The following FAM135B variants were observed in gnomAD, a reference collection of about 807,000 sequenced individuals.
The protein encoded by FAM135B is protein FAM135B.
A neutral mutation model predicts 127.7 loss-of-function variants in FAM135B; 43 were observed. That is an observed-to-expected ratio of 0.34 (90% CI 0.26 to 0.43). FAM135B has a LOEUF of 0.43. FAM135B is among the 20% of genes least tolerant of loss of function. FAM135B has a pLI of 1.00. For missense variants in FAM135B, 1,558 were observed against 1,725.6 expected (o/e 0.90, Z 1.72); for synonymous variants, 670 against 665.1 (o/e 1.01, Z -0.11).
intron 1 of FAM135B, among the ~76,000 whole-genome samples, chr8:138,434,712 T>C (rs1050015490): frequency 6.6e-6 from 1 of 152,188 alleles, no homozygotes; most frequent in African/African-American, 2.4e-5. Flanking sequence ...GGACACTGCA[T>C]TAACAGTGGA....
chr8:138,290,768 G>A (rs1474805443), intron 3 of FAM135B, among the ~76,000 whole-genome samples: 1 of 152,118 alleles, frequency 6.6e-6, no homozygotes, highest in East Asian at 1.9e-4. Flanking sequence ...AAAAGTGGGA[G>A]GAAGATGTTG....
intron 1 of FAM135B, among the ~76,000 whole-genome samples, chr8:138,469,299 C>T (rs1435619890): frequency 2.0e-5 from 3 of 151,908 alleles, no homozygotes; most frequent in Non-Finnish European, 4.4e-5. Flanking sequence ...TTAAGGAACT[C>T]GATGATGAAG....
chr8:138,399,854 C>A (rs1185174370), intron 1 of FAM135B, among the ~76,000 whole-genome samples: 1 of 152,126 alleles, frequency 6.6e-6, no homozygotes. Context: ...ACCCACCCAA[C>A]CCCAGCATCA....
At chr8:138,395,955 C>T (rs188288975) in intron 1 of FAM135B, among the ~76,000 whole-genome samples, 7 of 152,330 alleles carry the variant, frequency 4.6e-5, no homozygotes, top group East Asian at 3.9e-4. Context: ...ATGAATTACT[C>T]GGCTGCTATC....
intron 7 of FAM135B, among the ~76,000 whole-genome samples, chr8:138,218,163 T>C (rs999449246): frequency 6.6e-6 from 1 of 152,222 alleles, no homozygotes; most frequent in Non-Finnish European, 1.5e-5. Flanking sequence ...GGAATCCATG[T>C]AGATGCAGTT....
intron 2 of FAM135B, among the ~76,000 whole-genome samples, chr8:138,313,422 G>A (rs551970263): frequency 1.3e-5 from 2 of 152,246 alleles, no homozygotes; most frequent in Non-Finnish European, 2.9e-5. Flanking sequence ...GTGAGCCACC[G>A]TGCCTGGCCT....
intron 1 of FAM135B, among the ~76,000 whole-genome samples, chr8:138,410,978 G>T (rs539537771): frequency 1.8e-4 from 26 of 144,926 alleles, no homozygotes; most frequent in South Asian, 4.4e-4. Flanking sequence ...CACTGCTCAA[G>T]GAAATAAAAG....
intron 2 of FAM135B, among the ~76,000 whole-genome samples, chr8:138,352,701 C>A (rs1339019916): frequency 6.6e-6 from 1 of 152,172 alleles, no homozygotes; most frequent in Non-Finnish European, 1.5e-5. Flanking sequence ...CAATGCCCCC[C>A]ACTAGGAGGG....
chr8:138,202,581 A>G (rs1344217848), intron 7 of FAM135B, among the ~76,000 whole-genome samples: 3 of 152,130 alleles, frequency 2.0e-5, no homozygotes, highest in Non-Finnish European at 4.4e-5. Flanking sequence ...CTTACTACCA[A>G]TGTCACCTTG....
chr8:138,284,621 G>T (rs1379039243), intron 3 of FAM135B, among the ~76,000 whole-genome samples: 1 of 150,632 alleles, frequency 6.6e-6, no homozygotes, highest in Non-Finnish European at 1.5e-5. Flanking sequence ...AGCTACCTTT[G>T]CCCATGCTGT....
rs201622799 is a variant in FAM135B at position 138,156,153 on chromosome 8, C to T, written c.1259-2937G>A. On this transcript the variant is annotated intron_variant, in intron 12 of 19. Transcript: ENST00000395297. ...CAGGATTAAGAAACTCACTCAAAAC[C>T]GCTCAACTACATGGAAACTGAACAA... is the stretch of plus-strand genomic sequence containing the variant. Among the ~76,000 whole-genome samples, 7 of 152,110 alleles carry T rather than the reference C, an allele frequency of 4.6e-5. No individual in the cohort carries two copies. In the East Asian group the frequency reaches 7.7e-4, roughly 17 times the overall value.
Position 138,152,342 on chromosome 8 carries a change from C to T in FAM135B, c.2133G>A (p.Arg711=), listed in dbSNP as rs1368781066. The change falls in exon 13 of 20, where the codon CGG becomes CGA. Residue 711 remains arginine, a synonymous_variant. Transcript: ENST00000395297. The stretch of plus-strand genomic sequence containing the variant: ...TTCGAACAAACGGGTGCAAGACTTC[C>T]CGATCACTGGGCAACTCCAGAGCCC... ...RSRALELPSD[R]EVLHPFVRRH... 1 of 1,614,160 alleles carries T rather than the reference C, an allele frequency of 6.2e-7. No individual in the cohort carries two copies. Among genetic ancestry groups the T allele is most frequent in the African/African-American group, 1.3e-5 (1 of 75,044 alleles).
chr8:138,368,668 T>G (rs1319678827), intron 1 of FAM135B, among the ~76,000 whole-genome samples: 1 of 152,192 alleles, frequency 6.6e-6, no homozygotes, highest in Non-Finnish European at 1.5e-5. Context: ...GGTAGATGTT[T>G]AACCCAACTT....
intron 2 of FAM135B, among the ~76,000 whole-genome samples, chr8:138,336,214 A>G (rs1258999276): frequency 6.6e-6 from 1 of 152,104 alleles, no homozygotes; most frequent in Non-Finnish European, 1.5e-5. Flanking sequence ...AGCAAGAGCA[A>G]ACACATTCAA....
chr8:138,254,169 C>T (rs4909767), intron 5 of FAM135B, among the ~76,000 whole-genome samples: 69,855 of 152,012 alleles, frequency 0.46, 16,317 homozygotes, highest in East Asian at 0.63. Flanking sequence ...TCTATAATGA[C>T]ATCTATTTTG....
At position 138,243,705 on chromosome 8, in the gene FAM135B, G is replaced by A. The variant is rs1409349601; in HGVS notation, c.543-637C>T. On this transcript the variant is annotated intron_variant, in intron 6 of 19. Transcript: ENST00000395297. This position sits in a 1 kb window ranked among gnomAD's most constrained non-coding sequence, Gnocchi z 7.5. ...GCAATGATCAATTTCAGGATCAAAGGAGATTAGGAAAAGATGTGTGATTAT... is the reference window on the plus strand; with the variant it reads ...GCAATGATCAATTTCAGGATCAAAGAAGATTAGGAAAAGATGTGTGATTAT... Among the ~76,000 whole-genome samples, 2 of 152,178 alleles carry A rather than the reference G, an allele frequency of 1.3e-5. No individual in the cohort carries two copies. Among genetic ancestry groups the A allele is most frequent in the Non-Finnish European group, 2.9e-5 (2 of 68,028 alleles).
At chr8:138,279,628 A>C (rs1044364357) in intron 3 of FAM135B, among the ~76,000 whole-genome samples, 1 of 152,146 alleles carries the variant, frequency 6.6e-6, no homozygotes, top group Non-Finnish European at 1.5e-5. Context: ...TAATCATGAA[A>C]GATTAGATAA....
chr8:138,243,145 A>C lies in FAM135B; in HGVS notation c.543-77T>G, dbSNP rs527378329. The C allele has an allele frequency of 6.6e-7, 1 of 1,510,336 alleles. No individual in the cohort carries two copies. The highest frequency in any genetic ancestry group is 1.4e-5 in the African/African-American group (1 of 72,112). The allele number at this position is 1,510,336 out of a possible 1,614,324, so 93.6% of individuals were successfully genotyped here. ...TGCCATTAACTCAGCCCCTTTGAGG[A>C]GTGTTCCTGTGAAGCATTTGGGATA... On this transcript the variant is annotated intron_variant, in intron 6 of 19. Coordinates refer to ENST00000395297, the MANE Select transcript of FAM135B (RefSeq NM_015912.4). The surrounding 1 kb of genome is among the most constrained non-coding windows in gnomAD (Gnocchi z 7.5).
At chr8:138,493,704 G>A (rs760005280) in intron 1 of FAM135B, among the ~76,000 whole-genome samples, 5 of 152,128 alleles carry the variant, frequency 3.3e-5, no homozygotes, top group Non-Finnish European at 7.4e-5. Context: ...TCATTTTCTA[G>A]GACGAAAATT....
Sources: allele counts gnomAD v4.1 joint callset (sites outside exome capture counted in the v4.1 genomes callset), GRCh38; gene constraint gnomAD v4.1.1; non-coding constraint Gnocchi (gnomAD v3.1); transcripts MANE v1.5; gene names NCBI Gene and HGNC (gene_info 2026-07-23, HGNC 2026-07-21).